Variants in KIAA1217 observed in about 807,000 individuals in gnomAD.
KIAA1217 encodes the protein sickle tail protein homolog.
Under a neutral mutation model 163.9 loss-of-function variants are expected in KIAA1217, and 88 were observed. The ratio of observed to expected loss-of-function variants is 0.54; its 90% CI spans 0.45 to 0.64. The LOEUF (loss-of-function observed/expected upper bound fraction) is 0.64, where lower values mean the gene tolerates loss of function less well. Ranked by LOEUF, KIAA1217 falls within the 30% of genes least tolerant of loss-of-function variation. The pLI is 0.00. For missense variants in KIAA1217, 2,372 were observed against 2,475.0 expected, an observed-to-expected ratio of 0.96 and a Z score of 0.88; for synonymous variants, 903 against 923.1, an observed-to-expected ratio of 0.98 and a Z score of 0.39.
intron 1 of KIAA1217, among the ~76,000 whole-genome samples, chr10:23,824,387 T>C (rs1434890551): frequency 6.6e-6 from 1 of 151,464 alleles, no homozygotes; most frequent in Non-Finnish European, 1.5e-5. Context: ...CCCAGCGCTT[T>C]GGGAGGTCGA....
intron 2 of KIAA1217, among the ~76,000 whole-genome samples, chr10:24,063,229 A>C (rs1465933409): frequency 6.6e-6 from 1 of 152,108 alleles, no homozygotes; most frequent in African/African-American, 2.4e-5. Flanking sequence ...CTATGTCCTG[A>C]ATGGTATTGC....
intron 1 of KIAA1217, among the ~76,000 whole-genome samples, chr10:23,709,199 A>G (rs1837075341): frequency 6.6e-6 from 1 of 152,106 alleles, no homozygotes; most frequent in Non-Finnish European, 1.5e-5. Flanking sequence ...GTATTCGGCT[A>G]TAGCAGTAGT....
intron 1 of KIAA1217, among the ~76,000 whole-genome samples, chr10:23,734,226 A>G (rs1369347306): frequency 6.6e-6 from 1 of 151,050 alleles, no homozygotes; most frequent in East Asian, 1.9e-4. Context: ...TCTTCCCTTC[A>G]TTGGAAAGCA....
intron 5 of KIAA1217, among the ~76,000 whole-genome samples, chr10:24,460,719 CT>C (rs2132582935): frequency 6.6e-6 from 1 of 152,204 alleles, no homozygotes; most frequent in African/African-American, 2.4e-5. Context: ...TTTTCTTTTG[CT>C]TGGTAATAGA....
intron 1 of KIAA1217, among the ~76,000 whole-genome samples, chr10:23,994,416 TG>T (rs1846373272): frequency 6.6e-6 from 1 of 152,216 alleles, no homozygotes; most frequent in Admixed American, 6.5e-5. Flanking sequence ...ACCTTATCCA[TG>T]GGACTATCGT....
intron 1 of KIAA1217, among the ~76,000 whole-genome samples, chr10:23,852,012 C>G (rs202090233): frequency 3.9e-5 from 6 of 152,120 alleles, no homozygotes; most frequent in East Asian, 3.9e-4. Context: ...GAAGCTCTTT[C>G]ATTTAATTAG....
chr10:24,117,595 A>C (rs1351492891), intron 2 of KIAA1217, among the ~76,000 whole-genome samples: 1 of 152,134 alleles, frequency 6.6e-6, no homozygotes, highest in Non-Finnish European at 1.5e-5. Flanking sequence ...AAATCATGCC[A>C]CTGCACTCCA....
chr10:24,501,894 G>A (rs1363575967), intron 9 of KIAA1217, among the ~76,000 whole-genome samples: 1 of 151,446 alleles, frequency 6.6e-6, no homozygotes, highest in African/African-American at 2.4e-5. Flanking sequence ...AACTACAGGC[G>A]CCCGCCACCA....
At chr10:24,406,980 G>A (rs891150180) in intron 3 of KIAA1217, among the ~76,000 whole-genome samples, 7 of 152,230 alleles carry the variant, frequency 4.6e-5, no homozygotes, top group Admixed American at 2.6e-4. Flanking sequence ...CTGGGTGAGC[G>A]CAGAGCCTTC....
At chr10:24,378,241 T>C (rs2052787502) in intron 2 of KIAA1217, among the ~76,000 whole-genome samples, 2 of 152,272 alleles carry the variant, frequency 1.3e-5, no homozygotes, top group Non-Finnish European at 2.9e-5. Flanking sequence ...TAAGTTCAGG[T>C]AACTACTTCT....
chr10:24,397,421 A>C (rs972099536), intron 3 of KIAA1217, among the ~76,000 whole-genome samples: 3 of 152,170 alleles, frequency 2.0e-5, no homozygotes, highest in African/African-American at 7.2e-5. Flanking sequence ...GATATGATGC[A>C]AACATCACCA....
intron 1 of KIAA1217, among the ~76,000 whole-genome samples, chr10:23,698,821 A>G (rs1030380872): frequency 8.5e-4 from 129 of 151,920 alleles, no homozygotes; most frequent in African/African-American, 3.0e-3. Context: ...GTCTTGCTCT[A>G]TCGTCCAAGC....
intron 2 of KIAA1217, among the ~76,000 whole-genome samples, chr10:24,153,933 G>C (rs1349744422): frequency 6.6e-6 from 1 of 151,942 alleles, no homozygotes; most frequent in East Asian, 1.9e-4. Flanking sequence ...GGGCAACAGA[G>C]TAAGACTGTG....
chr10:24,179,072 T>C (rs1052840515), intron 2 of KIAA1217, among the ~76,000 whole-genome samples: 2 of 152,150 alleles, frequency 1.3e-5, no homozygotes, highest in Non-Finnish European at 2.9e-5. Context: ...CAGGAGAAAG[T>C]GTTTATCTCC....
intron 1 of KIAA1217, among the ~76,000 whole-genome samples, chr10:23,829,743 T>C (rs1838084939): frequency 6.6e-6 from 1 of 152,198 alleles, no homozygotes. Flanking sequence ...CAGTATTACA[T>C]ACGTAATCTT....
rs111407304 is a variant in KIAA1217 at position 23,833,835 on chromosome 10, C to T, written c.-321+138601C>T. Among the ~76,000 whole-genome samples the T allele has an allele frequency of 5.2e-3, 787 of 151,924 alleles. 10 individuals are homozygous for T. The highest frequency in any genetic ancestry group is 0.017 in the African/African-American group (711 of 41,498). On this transcript the variant is annotated intron_variant, in intron 1 of 18. Coordinates refer to the KIAA1217 transcript ENST00000376462. ...GTGATATAACCTCTCAGTCTGTGCC[C>T]TTTTATTTTTAAATATATATTTTTT...
rs550522521 is a variant in KIAA1217, at chr10:24,362,840, A to G, written c.355-18029A>G. On this transcript the variant is annotated intron_variant, in intron 2 of 20. Coordinates refer to ENST00000376454, the MANE Select transcript of KIAA1217 (RefSeq NM_019590.5). ...GCATGGCAAAACCCTATCTCTACTA[A>G]AAATACAAAAATTAGCCAGGCAGAG... Among the ~76,000 whole-genome samples, 3 of 152,282 alleles carry G rather than the reference A, an allele frequency of 2.0e-5. No individual in the cohort carries two copies. In the East Asian group the frequency reaches 5.8e-4, roughly 29 times the overall value.
chr10:24,428,156 G>GA (rs1211491618), intron 3 of KIAA1217, among the ~76,000 whole-genome samples: 1 of 152,228 alleles, frequency 6.6e-6, no homozygotes, highest in African/African-American at 2.4e-5. Context: ...GCGAGGCTGT[G>GA]ATACTTAACT....
chr10:23,743,463 G>A (rs1408070007), intron 1 of KIAA1217, among the ~76,000 whole-genome samples: 2 of 152,148 alleles, frequency 1.3e-5, no homozygotes, highest in East Asian at 3.8e-4. Context: ...CCCAGCAAGA[G>A]GGGACATTTC....
Sources: gnomAD v4.1 joint callset for allele counts (sites outside exome capture counted in the v4.1 genomes callset) on GRCh38, gnomAD v4.1.1 for gene constraint, MANE v1.5 for transcripts, NCBI Gene and HGNC (gene_info 2026-07-23, HGNC 2026-07-21) for gene names.